NLGN1: variants seen among roughly 807,000 people sequenced by gnomAD.
NLGN1 encodes the protein neuroligin 1.
Under a neutral mutation model 65.5 loss-of-function variants are expected in NLGN1, and 12 were observed. The ratio of observed to expected loss-of-function variants is 0.18; its 90% CI spans 0.12 to 0.30. The LOEUF is 0.30. NLGN1 is among the 10% of genes least tolerant of loss of function. The probability of loss-of-function intolerance (pLI) is 1.00; values close to 1 mark genes in which losing one functional copy is unlikely to be tolerated. For missense variants in NLGN1, 750 were observed against 1,007.1 expected (o/e 0.74, Z 3.46); for synonymous variants, 350 against 359.5 (o/e 0.97, Z 0.30).
chr3:173,729,647 A>G (rs922937811), intron 3 of NLGN1, among the ~76,000 whole-genome samples: 5 of 152,084 alleles, frequency 3.3e-5, no homozygotes, highest in Non-Finnish European at 7.4e-5. Flanking sequence ...GCTGCTTGTA[A>G]AAGAATAACA....
At chr3:174,087,442 A>G (rs533515717) in intron 4 of NLGN1, among the ~76,000 whole-genome samples, 3 of 152,170 alleles carry the variant, frequency 2.0e-5, no homozygotes, top group Non-Finnish European at 4.4e-5. Flanking sequence ...GGTATCTCAG[A>G]AAAAGGTTTT....
chr3:173,902,532 A>T (rs1462172581), intron 4 of NLGN1, among the ~76,000 whole-genome samples: 3 of 152,154 alleles, frequency 2.0e-5, no homozygotes, highest in African/African-American at 7.2e-5. Flanking sequence ...GGAATAATTT[A>T]AGGTTACATT....
intron 3 of NLGN1, among the ~76,000 whole-genome samples, chr3:173,616,432 C>G (rs1753089182): frequency 6.6e-6 from 1 of 152,082 alleles, no homozygotes; most frequent in South Asian, 2.1e-4. Context: ...TGAGAGTTTT[C>G]ACCATCTGTA....
At chr3:173,838,563 G>A (rs1213122539) in intron 4 of NLGN1, among the ~76,000 whole-genome samples, 1 of 151,966 alleles carries the variant, frequency 6.6e-6, no homozygotes, top group Non-Finnish European at 1.5e-5. Context: ...ATAAGAACTG[G>A]GGATTTATCT....
intron 2 of NLGN1, among the ~76,000 whole-genome samples, chr3:173,520,767 T>C (rs1348790361): frequency 1.3e-5 from 2 of 152,120 alleles, no homozygotes; most frequent in Non-Finnish European, 2.9e-5. Context: ...GAAGAGATGG[T>C]TTTAGGTAAC....
At chr3:173,708,689 C>G (rs1323701953) in intron 3 of NLGN1, among the ~76,000 whole-genome samples, 1 of 152,126 alleles carries the variant, frequency 6.6e-6, no homozygotes, top group South Asian at 2.1e-4. Flanking sequence ...TACAGGATGG[C>G]AGAGAGCTAT....
intron 4 of NLGN1, among the ~76,000 whole-genome samples, chr3:174,089,895 CTTT>C (rs10713354): frequency 5.5e-5 from 8 of 145,208 alleles, no homozygotes; most frequent in Admixed American, 1.4e-4. Flanking sequence ...CATAAACAGG[CTTT>C]TTTTTTTTTT....
chr3:174,065,549 A>G (rs1738341073), intron 4 of NLGN1, among the ~76,000 whole-genome samples: 1 of 152,126 alleles, frequency 6.6e-6, no homozygotes, highest in African/African-American at 2.4e-5. Flanking sequence ...TCCTCAGTGT[A>G]GTGTCATAGC....
chr3:173,685,062 T>G (rs1465912270), intron 3 of NLGN1, among the ~76,000 whole-genome samples: 2 of 152,190 alleles, frequency 1.3e-5, no homozygotes, highest in Non-Finnish European at 2.9e-5. Flanking sequence ...TAGCATTATG[T>G]TAAGCCCTCC....
chr3:173,905,225 T>G (rs1176490281), intron 4 of NLGN1, among the ~76,000 whole-genome samples: 1 of 152,156 alleles, frequency 6.6e-6, no homozygotes, highest in African/African-American at 2.4e-5. Context: ...CTTCTGTTAG[T>G]TTTTACAGAT....
At chr3:173,977,345 C>A (rs568109351) in intron 4 of NLGN1, among the ~76,000 whole-genome samples, 4 of 151,588 alleles carry the variant, frequency 2.6e-5, no homozygotes, top group African/African-American at 9.7e-5. Flanking sequence ...GGGAAGGGCA[C>A]GTGCATAAAC....
rs184179945 is a variant in NLGN1 at position 174,042,065 on chromosome 3, C to T, written c.647-233250C>T. On this transcript the variant is annotated intron_variant, in intron 4 of 6. Transcript: ENST00000457714. ...TGAGAGTCTGCCTCCAAAAAAAAAACATTAGATTATTGGACTTTTTTATTA... is the reference window on the plus strand; with the variant it reads ...TGAGAGTCTGCCTCCAAAAAAAAAATATTAGATTATTGGACTTTTTTATTA... Among the ~76,000 whole-genome samples the T allele has an allele frequency of 4.4e-3, 673 of 151,582 alleles. 2 individuals carry two copies. The highest frequency in any genetic ancestry group is 0.01 in the Middle Eastern group (3 of 290).
chr3:173,537,909 C>T lies in NLGN1; in HGVS notation c.-320-66370C>T, dbSNP rs533406618. 5.9e-5 allele frequency among the ~76,000 whole-genome samples: 9 copies of T among 152,238 alleles called. No homozygotes were observed. In the South Asian group the frequency reaches 1.9e-3, roughly 32 times the overall value. Reference sequence around the variant, plus strand: ...AGCCAGGATCAGTCAGCACAACTAGCACAGTAACTCCCTTCTTTGTCTGTT... The same window carrying T: ...AGCCAGGATCAGTCAGCACAACTAGTACAGTAACTCCCTTCTTTGTCTGTT... On this transcript the variant is annotated intron_variant, in intron 2 of 6. Coordinates refer to ENST00000457714, the Ensembl canonical transcript of NLGN1.
At chr3:173,473,070 AT>A (rs1413703917) in intron 2 of NLGN1, among the ~76,000 whole-genome samples, 3 of 152,136 alleles carry the variant, frequency 2.0e-5, no homozygotes, top group Non-Finnish European at 4.4e-5. Context: ...AAGTATAAGA[AT>A]TTTTTTGTGC....
At chr3:174,228,780 C>CA (rs1454409837) in intron 4 of NLGN1, among the ~76,000 whole-genome samples, 8 of 151,808 alleles carry the variant, frequency 5.3e-5, no homozygotes, top group Non-Finnish European at 1.5e-5. Context: ...AGTGACAGGA[C>CA]AAAAAAGTGG....
chr3:173,680,112 G>A (rs963359597), intron 3 of NLGN1, among the ~76,000 whole-genome samples: 2 of 152,042 alleles, frequency 1.3e-5, no homozygotes, highest in Admixed American at 6.6e-5. Context: ...GAAGATGAGG[G>A]TAGAAATATT....
intron 4 of NLGN1, among the ~76,000 whole-genome samples, chr3:174,272,696 T>C (rs372140063): frequency 2.7e-4 from 38 of 138,200 alleles, no homozygotes; most frequent in African/African-American, 6.4e-4. Context: ...GATAGATAGA[T>C]AGATAGATAG....
At chr3:174,139,963 T>G (rs763938106) in intron 4 of NLGN1, among the ~76,000 whole-genome samples, 1 of 152,212 alleles carries the variant, frequency 6.6e-6, no homozygotes, top group Non-Finnish European at 1.5e-5. Context: ...ACTGTTGAGC[T>G]TTGAAAGTTC....
chr3:174,055,498 C>T (rs907211816), intron 4 of NLGN1, among the ~76,000 whole-genome samples: 2 of 152,008 alleles, frequency 1.3e-5, no homozygotes, highest in African/African-American at 4.8e-5. Flanking sequence ...GAGTCTCTGG[C>T]AGATAAGGCT....
Sources: allele counts gnomAD v4.1 joint callset (sites outside exome capture counted in the v4.1 genomes callset), GRCh38; gene constraint gnomAD v4.1.1; transcripts MANE v1.5; gene names NCBI Gene and HGNC (gene_info 2026-07-23, HGNC 2026-07-21).